The following KDF1 variants were observed in gnomAD, a reference collection of about 807,000 sequenced individuals.
The protein encoded by KDF1 is RP11-344H11.3.
Under a neutral mutation model 31.6 loss-of-function variants are expected in KDF1, and 11 were observed. That is an observed-to-expected ratio of 0.35 (90% confidence interval 0.22 to 0.58). KDF1 has a LOEUF of 0.58. KDF1 is among the 20% of genes least tolerant of loss of function. The pLI, the probability that KDF1 is intolerant of heterozygous loss-of-function variation, is 0.83. For missense variants in KDF1, 476 were observed against 549.1 expected (o/e 0.87, Z 1.33); for synonymous variants, 205 against 214.4 (o/e 0.96, Z 0.38).
chr1:26,958,910 G>A (rs1468441754), intron 1 of KDF1, among the ~76,000 whole-genome samples: 2 of 152,198 alleles, frequency 1.3e-5, no homozygotes, highest in Non-Finnish European at 1.5e-5. Context: ...AACCTCCAAA[G>A]CTTTAGGACT....
chr1:26,955,282 C>T (rs1237778475), intron 1 of KDF1, among the ~76,000 whole-genome samples: 2 of 152,176 alleles, frequency 1.3e-5, no homozygotes, highest in Non-Finnish European at 2.9e-5. Context: ...TCTGTGGCTG[C>T]TCAACAAATG....
intron 1 of KDF1, among the ~76,000 whole-genome samples, chr1:26,959,370 G>C (rs547588066): frequency 7.9e-5 from 12 of 152,244 alleles, no homozygotes; most frequent in Admixed American, 4.6e-4. Context: ...CCAATCCTAG[G>C]AACCTGGTCA....
Position 26,950,661 on chromosome 1 carries a change from C to G in KDF1, c.1114+21G>C. ...GGGTAGTCCCCCACCCTCCACACCC[C>G]TCATTAGGTCAAGACCACACCTGGA... On this transcript the variant is annotated intron_variant, in intron 3 of 3. Transcript: ENST00000320567. This position sits in a 1 kb window ranked among gnomAD's most constrained non-coding sequence, Gnocchi z 4.0. The G allele has an allele frequency of 6.2e-7, 1 of 1,610,506 alleles. No individual in the cohort carries two copies. The highest frequency in any genetic ancestry group is 8.5e-7 in the Non-Finnish European group (1 of 1,176,846).
At chr1:26,955,829 C>A (rs1010066180) in intron 1 of KDF1, among the ~76,000 whole-genome samples, 4 of 152,240 alleles carry the variant, frequency 2.6e-5, no homozygotes, top group African/African-American at 9.6e-5. Flanking sequence ...GTGGAGCGTG[C>A]CTGTAATCCC....
rs144377897 is a variant in KDF1 at position 26,950,099 on chromosome 1, C to A, written c.1167G>T (p.Ser389=). 6.2e-7 allele frequency: 1 copy of A among 1,613,850 alleles called. No individual in the cohort carries two copies. Among genetic ancestry groups the A allele is most frequent in the South Asian group, 1.1e-5 (1 of 91,066 alleles). Residue 389 remains serine (S), a synonymous_variant, in exon 4 of 4, where the codon TCG becomes TCT. Transcript: ENST00000320567. This position sits in a 1 kb window ranked among gnomAD's most constrained non-coding sequence, Gnocchi z 4.0. ...AGTACACCTGGAGCAAGGGTGCCCC[C>A]GACGAGTCTGTGTCGGTGCCCTGGA... ...SSFQGTDTDS[S]GAPLLQVYC
In KDF1 at chr1:26,950,732, TC is replaced by T; in HGVS notation, c.1063del (p.Glu355ArgfsTer11). 6.2e-7 allele frequency: 1 copy of T among 1,613,874 alleles called. No individual in the cohort carries two copies. Among genetic ancestry groups the T allele is most frequent in the Non-Finnish European group, 8.5e-7 (1 of 1,179,932 alleles). On this transcript the variant is annotated frameshift_variant, in exon 3 of 4. Transcript: ENST00000320567. LOFTEE classifies it high-confidence loss of function. This position sits in a 1 kb window ranked among gnomAD's most constrained non-coding sequence, Gnocchi z 4.0. ...CCGGGCGATGGCATCTGCAGTCGTCTCCTGGGAGATCTGCACTGTCAGCTCT... is the reference window on the plus strand; with the variant it reads ...CCGGGCGATGGCATCTGCAGTCGTCTCTGGGAGATCTGCACTGTCAGCTCT... ...QDELTVQISQ[E>X]TTADAIARKL... is the part of the protein sequence containing the mutation.
chr1:26,953,888 G>A (rs912070483), intron 1 of KDF1, among the ~76,000 whole-genome samples: 6 of 151,686 alleles, frequency 4.0e-5, no homozygotes, highest in South Asian at 2.1e-4. Context: ...CTTGGAGGTG[G>A]AGGTTGCAGT....
In KDF1 at chr1:26,951,404, G is replaced by A. The variant is rs2082347602; in HGVS notation, c.977C>T (p.Pro326Leu). The change falls in exon 2 of 4, where the codon CCA (proline) becomes CTA (leucine). Residue 326 changes from proline (P) to leucine (L), a missense_variant. Pro to Leu is a moderately conservative substitution (Grantham distance 98). This residue lies in a region of KDF1 where 146 missense variants were observed against 216.8 expected (regional missense o/e 0.67). Transcript: ENST00000320567. The surrounding 1 kb of genome is among the most constrained non-coding windows in gnomAD (Gnocchi z 5.4). ...GCCACTGTCAGGGGCAGCAGCGGTT[G>A]GGGCAGCAGCCCGAGTTGAACGACC... Reference protein sequence around the residue: ...SEGRSTRAAAPTAAAPDSGHE... With the variant: ...SEGRSTRAAALTAAAPDSGHE... 2 of 1,609,824 alleles carry A rather than the reference G, an allele frequency of 1.2e-6. No individual in the cohort carries two copies. Among genetic ancestry groups the A allele is most frequent in the South Asian group, 1.1e-5 (1 of 90,654 alleles).
intron 1 of KDF1, among the ~76,000 whole-genome samples, chr1:26,956,417 G>T (rs2082377626): frequency 6.6e-6 from 1 of 152,168 alleles, no homozygotes; most frequent in African/African-American, 2.4e-5. Flanking sequence ...GAACACGGCA[G>T]ACACCACTTT....
chr1:26,951,794 G>C lies in KDF1; in HGVS notation c.587C>G (p.Pro196Arg), dbSNP rs777367914. The change falls in exon 2 of 4, where the codon CCA becomes CGA. Residue 196 changes from proline (P) to arginine (R), a missense_variant. Pro to Arg is a moderately radical substitution (Grantham distance 103, BLOSUM62 -2). This residue lies in a region of KDF1 where 330 missense variants were observed against 332.3 expected (regional missense o/e 0.99). Transcript: ENST00000320567. The surrounding 1 kb of genome is among the most constrained non-coding windows in gnomAD (Gnocchi z 5.4). The part of the protein sequence containing the change: ...SCCKEPLADP[P>R]PMRHSLPSTF... ...GCTGGGCAGGCTGTGTCGCATGGGTGGGGGATCGGCCAGTGGCTCCTTGCA... is the reference window on the plus strand; with the variant it reads ...GCTGGGCAGGCTGTGTCGCATGGGTCGGGGATCGGCCAGTGGCTCCTTGCA... The C allele has an allele frequency of 6.2e-7, 1 of 1,614,108 alleles. No individual in the cohort carries two copies. The highest frequency in any genetic ancestry group is 8.5e-7 in the Non-Finnish European group (1 of 1,180,032).
At chr1:26,954,640 A>G (rs1464251695) in intron 1 of KDF1, among the ~76,000 whole-genome samples, 1 of 150,530 alleles carries the variant, frequency 6.6e-6, no homozygotes, top group Non-Finnish European at 1.5e-5. Context: ...CTAGACCAGT[A>G]TGGCCAACAT....
intron 1 of KDF1, among the ~76,000 whole-genome samples, chr1:26,954,683 A>C (rs1361241487): frequency 6.7e-6 from 1 of 150,184 alleles, no homozygotes. Flanking sequence ...AAATACAAAA[A>C]TTAGCTAGGT....
Position 26,952,142 on chromosome 1 carries a change from G to A in KDF1, c.239C>T (p.Pro80Leu), listed in dbSNP as rs1001504049. 3.1e-6 allele frequency: 5 copies of A among 1,613,608 alleles called. No individual in the cohort carries two copies. In the Middle Eastern group the frequency reaches 6.6e-4, roughly 213 times the overall value. ...ESPTCCLLWRPWVWEWCRAAF... is the reference protein window; with the variant it reads ...ESPTCCLLWRLWVWEWCRAAF... ...AGCCCGGCACCACTCCCACACCCAG[G>A]GTCGCCAGAGCAGGCAGCAGGTGGG... is the stretch of plus-strand genomic sequence containing the variant. The change falls in exon 2 of 4, where the codon CCC becomes CTC. Residue 80 changes from proline to leucine, a missense_variant. By Grantham distance (98) the Pro-to-Leu change is moderately conservative (BLOSUM62 -3). This residue lies in a region of KDF1 where 330 missense variants were observed against 332.3 expected (regional missense o/e 0.99). Coordinates refer to ENST00000320567, the MANE Select transcript of KDF1 (RefSeq NM_152365.3). The surrounding 1 kb of genome is among the most constrained non-coding windows in gnomAD (Gnocchi z 4.1).
At position 26,952,274 on chromosome 1, in the gene KDF1, G is replaced by A. The variant is rs2082355569; in HGVS notation, c.107C>T (p.Pro36Leu). 1 of 1,569,774 alleles carries A rather than the reference G, an allele frequency of 6.4e-7. No homozygotes were observed. The highest frequency in any genetic ancestry group is 2.2e-5 in the East Asian group (1 of 44,498). ...CLETYDKPPQ[P>L]PPSRRTRRPD... ...TCTACGGGTGCGGCGGCTTGGTGGG[G>A]GCTGAGGTGGTTTATCATATGTCTC... Residue 36 changes from proline to leucine, a missense_variant, in exon 2 of 4, where the codon CCC becomes CTC. Around this residue, in one of 2 missense-constraint regions of KDF1, gnomAD observed 330 missense variants for 332.3 expected, o/e 0.99. Coordinates refer to ENST00000320567, the MANE Select transcript of KDF1 (RefSeq NM_152365.3). The surrounding 1 kb of genome is among the most constrained non-coding windows in gnomAD (Gnocchi z 4.1).
chr1:26,952,153 C>G lies in KDF1; in HGVS notation c.228G>C (p.Leu76=), dbSNP rs769596979. The change falls in exon 2 of 4, where the codon CTG becomes CTC. Residue 76 remains leucine (L), a synonymous_variant. Transcript: ENST00000320567. This position sits in a 1 kb window ranked among gnomAD's most constrained non-coding sequence, Gnocchi z 4.1. ...ACTCCCACACCCAGGGTCGCCAGAG[C>G]AGGCAGCAGGTGGGGGACTCAAGGG... The part of the protein sequence containing the change: ...EPALESPTCC[L]LWRPWVWEWC... 64 of 1,613,646 alleles carry G rather than the reference C, an allele frequency of 4.0e-5. No individual in the cohort carries two copies. The East Asian group carries it at 1.4e-3, about 36-fold the overall frequency.
At chr1:26,959,411 C>T (rs1453195021) in intron 1 of KDF1, among the ~76,000 whole-genome samples, 1 of 152,276 alleles carries the variant, frequency 6.6e-6, no homozygotes, top group Middle Eastern at 3.4e-3. Flanking sequence ...CTCCCTGTCC[C>T]TATTGTGGCT....
In KDF1 at chr1:26,952,410, C is replaced by A; in HGVS notation, c.-30G>T. 6.7e-7 allele frequency: 1 copy of A among 1,490,532 alleles called. No homozygotes were observed. Among genetic ancestry groups the A allele is most frequent in the South Asian group, 1.4e-5 (1 of 74,026 alleles). 92.3% of individuals were successfully genotyped at this position (1,490,532 alleles called of 1,614,324 possible). A position where few individuals can be genotyped will look rare whatever the true frequency, so the allele number is the denominator to read the frequency against. ...CATTGCATGGTTTGTAGCAGCCAGG[C>A]ACCTGCGTGGGGAGAGGCCAGGAAG... On this transcript the variant is annotated splice_region_variant and 5_prime_UTR_variant, in exon 2 of 4. Transcript: ENST00000320567. The surrounding 1 kb of genome is among the most constrained non-coding windows in gnomAD (Gnocchi z 4.1).
At chr1:26,955,266 A>C (rs1372657951) in intron 1 of KDF1, among the ~76,000 whole-genome samples, 1 of 152,148 alleles carries the variant, frequency 6.6e-6, no homozygotes, top group Non-Finnish European at 1.5e-5. Context: ...TTTCTTGTTG[A>C]GAGCCTCTGT....
intron 1 of KDF1, among the ~76,000 whole-genome samples, chr1:26,959,817 C>G (rs1264167637): frequency 6.6e-6 from 1 of 152,120 alleles, no homozygotes; most frequent in Admixed American, 6.5e-5. Context: ...CAGTCCTGCT[C>G]GAGAAACAGC....
Sources: allele counts gnomAD v4.1 joint callset (sites outside exome capture counted in the v4.1 genomes callset), GRCh38; gene constraint gnomAD v4.1.1; regional missense constraint gnomAD v4.1.1; non-coding constraint Gnocchi (gnomAD v3.1); transcripts MANE v1.5; gene names NCBI Gene and HGNC (gene_info 2026-07-23, HGNC 2026-07-21).